The following REC114 variants were observed in gnomAD, a reference collection of about 807,000 sequenced individuals.
The protein encoded by REC114 is REC114 meiotic recombination protein, also known as meiotic recombination protein REC114.
REC114 carries 27 observed loss-of-function variants against 31.3 expected under a neutral mutation model. That is an observed-to-expected ratio of 0.86 (90% CI 0.64 to 1.19). REC114 has a LOEUF of 1.19. REC114 is among the 50% of genes most tolerant of loss of function. The probability of loss-of-function intolerance (pLI) is 0.00; values close to 1 mark genes in which losing one functional copy is unlikely to be tolerated. For synonymous variants in REC114, 134 were observed against 127.7 expected, an observed-to-expected ratio of 1.05 and a Z score of -0.33; for missense variants, 344 against 326.9, an observed-to-expected ratio of 1.05 and a Z score of -0.40.
chr15:73,506,449 T>C (rs1893678412), intron 2 of REC114, among the ~76,000 whole-genome samples: 2 of 152,186 alleles, frequency 1.3e-5, no homozygotes, highest in Admixed American at 6.5e-5. Flanking sequence ...AATTGAAAGT[T>C]TAAAGAGATG....
intron 3 of REC114, among the ~76,000 whole-genome samples, chr15:73,543,617 T>C (rs111517567): frequency 0.13 from 20,124 of 152,114 alleles, 2,021 homozygotes; most frequent in African/African-American, 0.28. Flanking sequence ...GTGTGAGCCA[T>C]CACACCTAGC....
chr15:73,513,917 C>G (rs951199228), intron 2 of REC114, among the ~76,000 whole-genome samples: 44 of 152,090 alleles, frequency 2.9e-4, no homozygotes, highest in East Asian at 9.8e-4. Flanking sequence ...TGCCCTGCCC[C>G]CAGAGGTGAA....
chr15:73,503,404 A>C (rs1317746363), intron 2 of REC114, among the ~76,000 whole-genome samples: 1 of 152,198 alleles, frequency 6.6e-6, no homozygotes, highest in East Asian at 1.9e-4. Flanking sequence ...AATCTGACTT[A>C]AATTTTTTCC....
intron 3 of REC114, 75 bp from the exon 4 acceptor site, chr15:73,550,859 GAAAC>G: frequency 7.3e-7 from 1 of 1,366,576 alleles, no homozygotes; most frequent in Non-Finnish European, 1.0e-6. Flanking sequence ...CCAAGCAAAG[GAAAC>G]ACTCAGTGGA....
chr15:73,534,547 C>T (rs1335286498), intron 2 of REC114, among the ~76,000 whole-genome samples: 1 of 151,958 alleles, frequency 6.6e-6, no homozygotes, highest in South Asian at 2.1e-4. Context: ...AATAGCTTAC[C>T]AACCAAAAAG....
intron 1 of REC114, among the ~76,000 whole-genome samples, chr15:73,466,901 T>C (rs1046465338): frequency 6.6e-6 from 1 of 152,202 alleles, no homozygotes; most frequent in Non-Finnish European, 1.5e-5. Context: ...TTTGTTTTAT[T>C]TTGAATCTAT....
chr15:73,466,402 A>C (rs1364327550), intron 1 of REC114, among the ~76,000 whole-genome samples: 2 of 151,876 alleles, frequency 1.3e-5, no homozygotes, highest in Non-Finnish European at 2.9e-5. Flanking sequence ...AAAATACAAA[A>C]AATTAGCCAA....
At chr15:73,449,494 T>A (rs1004287892) in intron 1 of REC114, among the ~76,000 whole-genome samples, 2 of 152,076 alleles carry the variant, frequency 1.3e-5, no homozygotes, top group African/African-American at 4.8e-5. Flanking sequence ...TATGGGACTA[T>A]GTGAAAAGAC....
intron 3 of REC114, among the ~76,000 whole-genome samples, chr15:73,548,272 C>T (rs576802041): frequency 7.9e-5 from 12 of 152,306 alleles, no homozygotes; most frequent in African/African-American, 1.9e-4. Flanking sequence ...CCATGCCCAG[C>T]TAATTATTGT....
chr15:73,469,258 C>T (rs1893101910), intron 1 of REC114, among the ~76,000 whole-genome samples: 1 of 152,166 alleles, frequency 6.6e-6, no homozygotes, highest in South Asian at 2.1e-4. Context: ...CTATCACTTA[C>T]TGCTTCGTGT....
At chr15:73,522,178 A>G (rs1893945710) in intron 2 of REC114, among the ~76,000 whole-genome samples, 1 of 152,132 alleles carries the variant, frequency 6.6e-6, no homozygotes, top group African/African-American at 2.4e-5. Context: ...TCCTTCAGCC[A>G]TATATGGAAT....
chr15:73,443,395 G>C, intron 1 of REC114, 51 bp downstream of exon 1: 6 of 1,510,872 alleles, frequency 4.0e-6, no homozygotes, highest in Non-Finnish European at 4.4e-6. Flanking sequence ...CCCTCAGGAG[G>C]GGAGGCTCCG....
At chr15:73,553,067 G>A (rs1203834583) in intron 4 of REC114, among the ~76,000 whole-genome samples, 2 of 152,154 alleles carry the variant, frequency 1.3e-5, no homozygotes, top group Non-Finnish European at 2.9e-5. Context: ...CACCCTCCTC[G>A]GCCTCCCAAA....
intron 1 of REC114, among the ~76,000 whole-genome samples, chr15:73,471,497 A>G (rs1893131790): frequency 6.6e-6 from 1 of 152,190 alleles, no homozygotes; most frequent in Non-Finnish European, 1.5e-5. Context: ...AGTGAATGAG[A>G]AGGTTAGGAG....
chr15:73,455,950 G>A (rs1385201832), intron 1 of REC114, among the ~76,000 whole-genome samples: 3 of 152,038 alleles, frequency 2.0e-5, no homozygotes, highest in Non-Finnish European at 2.9e-5. Context: ...GAGAGGCAGG[G>A]GTTTAGAATA....
At chr15:73,460,116 C>CTT (rs1271258664) in intron 1 of REC114, among the ~76,000 whole-genome samples, 2 of 152,096 alleles carry the variant, frequency 1.3e-5, no homozygotes, top group Non-Finnish European at 2.9e-5. Flanking sequence ...ATGTTTCCAA[C>CTT]TTGGGACCAG....
At chr15:73,443,482 C>T in intron 1 of REC114, 138 bp downstream of exon 1, 1 of 1,019,950 alleles carries the variant, frequency 9.8e-7, no homozygotes, top group Non-Finnish European at 1.4e-6. Flanking sequence ...GGGGAATGGA[C>T]AGGCCGACAA....
Position 73,482,118 on chromosome 15 carries a change from T to C in REC114, c.249+8197T>C, listed in dbSNP as rs115175170. 3.5e-3 allele frequency among the ~76,000 whole-genome samples: 530 copies of C among 152,298 alleles called. 3 individuals are homozygous for C. Among genetic ancestry groups the C allele is most frequent in the African/African-American group, 0.012 (492 of 41,570 alleles). The stretch of plus-strand genomic sequence containing the variant: ...CATTATTTTTCCCCCAAGCCCTTGG[T>C]AACCACCATTCTACTTTCAGTTTCT... On this transcript the variant is annotated intron_variant, in intron 2 of 5. Transcript: ENST00000331090.
intron 1 of REC114, among the ~76,000 whole-genome samples, chr15:73,466,095 C>T (rs1465949541): frequency 1.3e-5 from 2 of 151,644 alleles, no homozygotes; most frequent in Non-Finnish European, 2.9e-5. Context: ...TCATGATCTG[C>T]CCACCTCGGC....
Sources: gnomAD v4.1 joint callset for allele counts (sites outside exome capture counted in the v4.1 genomes callset) on GRCh38, gnomAD v4.1.1 for gene constraint, MANE v1.5 for transcripts, NCBI Gene and HGNC (gene_info 2026-07-23, HGNC 2026-07-21) for gene names.